The following RBFOX1 variants were observed in gnomAD, a reference collection of about 807,000 sequenced individuals.
The protein encoded by RBFOX1 is RNA binding fox-1 homolog 1.
In RBFOX1, 8 loss-of-function variants were observed where a neutral mutation model predicts 57.7. That is an observed-to-expected ratio of 0.14 (90% CI 0.08 to 0.25). RBFOX1 has a LOEUF of 0.25. RBFOX1 is among the 10% of genes least tolerant of loss of function. The probability of loss-of-function intolerance (pLI) is 1.00; values close to 1 mark genes in which losing one functional copy is unlikely to be tolerated. For synonymous variants in RBFOX1, 326 were observed against 222.4 expected, an observed-to-expected ratio of 1.47 and a Z score of -4.15; for missense variants, 611 against 548.5, an observed-to-expected ratio of 1.11 and a Z score of -1.14.
chr16:7,067,175 A>C (rs1168629105), intron 4 of RBFOX1, among the ~76,000 whole-genome samples: 1 of 152,192 alleles, frequency 6.6e-6, no homozygotes, highest in Non-Finnish European at 1.5e-5. Flanking sequence ...TGATCCTTTC[A>C]CCAAACCCAG....
intron 5 of RBFOX1, among the ~76,000 whole-genome samples, chr16:7,560,841 G>C (rs903908668): frequency 6.6e-6 from 1 of 152,148 alleles, no homozygotes; most frequent in Admixed American, 6.5e-5. Flanking sequence ...CTAAACATTT[G>C]CTCCTGAGCT....
chr16:5,577,885 G>A (rs538770270), intron 2 of RBFOX1, among the ~76,000 whole-genome samples: 5 of 152,228 alleles, frequency 3.3e-5, no homozygotes, highest in Non-Finnish European at 4.4e-5. Flanking sequence ...AGAGCCTCAT[G>A]TTAGAGCAGA....
At chr16:7,447,057 C>T (rs978815554) in intron 4 of RBFOX1, among the ~76,000 whole-genome samples, 1 of 151,676 alleles carries the variant, frequency 6.6e-6, no homozygotes, top group East Asian at 2.0e-4. Context: ...TGTGATCTAC[C>T]CGCCTTAGCC....
intron 12 of RBFOX1, among the ~76,000 whole-genome samples, chr16:7,655,355 A>G (rs1216514728): frequency 1.3e-5 from 2 of 152,144 alleles, no homozygotes; most frequent in Non-Finnish European, 2.9e-5. Context: ...TTCTTGGACA[A>G]AACAAGAGCT....
chr16:5,801,777 T>C (rs1392108779), intron 3 of RBFOX1, among the ~76,000 whole-genome samples: 2 of 152,226 alleles, frequency 1.3e-5, no homozygotes, highest in African/African-American at 4.8e-5. Context: ...GTTTTATTCC[T>C]ATGCTGACAG....
chr16:6,831,093 A>G (rs1051702136), intron 3 of RBFOX1, among the ~76,000 whole-genome samples: 1 of 152,212 alleles, frequency 6.6e-6, no homozygotes, highest in Non-Finnish European at 1.5e-5. Flanking sequence ...GTAAAGCTGG[A>G]TAGATTCATA....
chr16:5,936,920 C>G (rs757167632), intron 4 of RBFOX1, among the ~76,000 whole-genome samples: 4 of 152,142 alleles, frequency 2.6e-5, no homozygotes, highest in African/African-American at 7.2e-5. Flanking sequence ...ACCTTCATCT[C>G]AAGGGACTGT....
intron 3 of RBFOX1, among the ~76,000 whole-genome samples, chr16:6,694,827 T>C (rs568499482): frequency 1.3e-5 from 2 of 152,180 alleles, no homozygotes; most frequent in South Asian, 4.1e-4. Context: ...AACACAGTGA[T>C]TGGACAGACC....
chr16:6,477,287 A>T (rs758313813), intron 2 of RBFOX1, among the ~76,000 whole-genome samples: 78 of 152,314 alleles, frequency 5.1e-4, no homozygotes, highest in Non-Finnish European at 8.7e-4. Context: ...ATCCGTGTTT[A>T]TGGCAGCTAT....
intron 3 of RBFOX1, among the ~76,000 whole-genome samples, chr16:5,627,199 A>G (rs1360018633): frequency 6.6e-6 from 1 of 152,230 alleles, no homozygotes; most frequent in East Asian, 1.9e-4. Context: ...GTAATTTTAA[A>G]TAATTTGAGC....
intron 4 of RBFOX1, among the ~76,000 whole-genome samples, chr16:7,203,273 T>C (rs1448397562): frequency 1.3e-5 from 2 of 152,052 alleles, no homozygotes; most frequent in East Asian, 3.9e-4. Flanking sequence ...TTATTCTAAG[T>C]AAAATAAGCC....
intron 3 of RBFOX1, among the ~76,000 whole-genome samples, chr16:6,785,229 C>T (rs1286171829): frequency 6.6e-6 from 1 of 152,068 alleles, no homozygotes; most frequent in Non-Finnish European, 1.5e-5. Context: ...GGGAATCTCC[C>T]AGTCCGTTCG....
chr16:6,152,259 C>G (rs2096802752), intron 1 of RBFOX1, among the ~76,000 whole-genome samples: 2 of 152,182 alleles, frequency 1.3e-5, no homozygotes, highest in African/African-American at 4.8e-5. Flanking sequence ...GAGGAAGAAG[C>G]TGAGGACAGC....
chr16:5,593,791 C>A (rs964762654), intron 2 of RBFOX1, among the ~76,000 whole-genome samples: 1 of 152,206 alleles, frequency 6.6e-6, no homozygotes, highest in Non-Finnish European at 1.5e-5. Flanking sequence ...CCTTTACTTT[C>A]CTAATCAACT....
At chr16:6,872,578 G>C (rs1032112078) in intron 3 of RBFOX1, among the ~76,000 whole-genome samples, 3 of 152,072 alleles carry the variant, frequency 2.0e-5, no homozygotes, top group Admixed American at 6.6e-5. Context: ...AGATAAGAAC[G>C]TTTGGAACGG....
At chr16:7,332,736 G>A (rs768733023) in intron 4 of RBFOX1, 574 of 1,330,268 alleles carry the variant, frequency 4.3e-4, no homozygotes, top group Admixed American at 1.0e-3. Context: ...TAGGCAAGCT[G>A]TTCCCAAAAT....
intron 1 of RBFOX1, among the ~76,000 whole-genome samples, chr16:6,278,975 T>C (rs2076109287): frequency 6.6e-6 from 1 of 152,182 alleles, no homozygotes; most frequent in South Asian, 2.1e-4. Flanking sequence ...TGTGTTCTAT[T>C]TTCCATTCCT....
chr16:5,912,181 C>G (rs948024435), intron 4 of RBFOX1, among the ~76,000 whole-genome samples: 1 of 152,142 alleles, frequency 6.6e-6, no homozygotes, highest in African/African-American at 2.4e-5. Flanking sequence ...AGTGACTTAG[C>G]CTCTCTGAGC....
chr16:5,642,970 C>A (rs576410639), intron 3 of RBFOX1, among the ~76,000 whole-genome samples: 1 of 152,188 alleles, frequency 6.6e-6, no homozygotes, highest in African/African-American at 2.4e-5. Flanking sequence ...CCAGGGCTGG[C>A]CTAATCCACC....
Sources: allele counts gnomAD v4.1 joint callset (sites outside exome capture counted in the v4.1 genomes callset), GRCh38; gene constraint gnomAD v4.1.1; transcripts MANE v1.5; gene names NCBI Gene and HGNC (gene_info 2026-07-23, HGNC 2026-07-21).